The following EDN3 variants were observed in gnomAD, a reference collection of about 807,000 sequenced individuals.
EDN3 encodes endothelin-3.
A neutral mutation model predicts 21.4 loss-of-function variants in EDN3; 9 were observed. That is an observed-to-expected ratio of 0.42 (90% CI 0.25 to 0.73). The LOEUF (loss-of-function observed/expected upper bound fraction) is 0.73, where lower values mean the gene tolerates loss of function less well. Ranked by LOEUF, EDN3 falls within the 30% of genes least tolerant of loss-of-function variation. EDN3 has a pLI of 0.26. For missense variants in EDN3, 327 were observed against 309.4 expected (o/e 1.06, Z -0.43); for synonymous variants, 133 against 126.2 (o/e 1.05, Z -0.36).
At chr20:59,317,724 G>A (rs774210773) in intron 2 of EDN3, among the ~76,000 whole-genome samples, 2 of 152,200 alleles carry the variant, frequency 1.3e-5, no homozygotes, top group Admixed American at 6.5e-5. Flanking sequence ...GGATGCTGAA[G>A]AATGTTGGAG....
intron 2 of EDN3, among the ~76,000 whole-genome samples, chr20:59,320,618 G>C (rs936326462): frequency 2.6e-5 from 4 of 152,254 alleles, no homozygotes; most frequent in Non-Finnish European, 5.9e-5. Context: ...GTCTTGAAGA[G>C]AATGAAAGCC....
At chr20:59,307,280 T>TCATGTTGCCAAG (rs11570282) in intron 2 of EDN3, among the ~76,000 whole-genome samples, 1 of 152,142 alleles carries the variant, frequency 6.6e-6, no homozygotes, top group Admixed American at 6.5e-5. Flanking sequence ...CTGCTACTAA[T>TCATGTTGCCAAG]CATGGATGGT....
At chr20:59,314,140 C>T (rs1363581959) in intron 2 of EDN3, among the ~76,000 whole-genome samples, 1 of 152,174 alleles carries the variant, frequency 6.6e-6, no homozygotes, top group Non-Finnish European at 1.5e-5. Context: ...CCTGCTTCCA[C>T]CTGTGGAGGA....
At chr20:59,310,600 C>T (rs1600733141) in intron 2 of EDN3, among the ~76,000 whole-genome samples, 2 of 152,132 alleles carry the variant, frequency 1.3e-5, no homozygotes, top group African/African-American at 4.8e-5. Context: ...GGCTTGGAAG[C>T]ACTGGCCTCT....
In EDN3 at chr20:59,301,437, A is replaced by C. The variant is rs772960457; in HGVS notation, c.80A>C (p.Asp27Ala). The stretch of plus-strand genomic sequence containing the variant: ...TTCGTGCCTTGCTCCCAGTCTGGGG[A>C]TGCTGGCAGGCGCGGCGTGTCCCAG... The part of the protein sequence containing the change: ...AGFVPCSQSG[D>A]AGRRGVSQAP... Residue 27 changes from aspartate (D) to alanine (A), a missense_variant, in exon 2 of 5, where the codon GAT becomes GCT. Transcript: ENST00000337938. The C allele has an allele frequency of 6.2e-7, 1 of 1,612,698 alleles. No homozygotes were observed. Among genetic ancestry groups the C allele is most frequent in the South Asian group, 1.1e-5 (1 of 91,054 alleles).
rs1381824847 is a variant in EDN3, at chr20:59,324,433, T to A, written c.691T>A (p.Cys231Ser). Residue 231 changes from cysteine to serine, a missense_variant, in exon 5 of 5, where the codon TGC (cysteine) becomes AGC (serine). Transcript: ENST00000337938. Reference sequence around the variant, plus strand: ...CCTCGCTCCATCTACCTGCCCCCGCTGCCTCTTTCAGGAAGGAGCCCCTTA... The same window carrying A: ...CCTCGCTCCATCTACCTGCCCCCGCAGCCTCTTTCAGGAAGGAGCCCCTTA... ...LALAPSTCPR[C>S]LFQEGAP The A allele has an allele frequency of 6.2e-7, 1 of 1,614,130 alleles. No individual in the cohort carries two copies. Among genetic ancestry groups the A allele is most frequent in the East Asian group, 2.2e-5 (1 of 44,888 alleles).
chr20:59,302,589 G>T (rs1989124489), intron 2 of EDN3, among the ~76,000 whole-genome samples: 6 of 152,128 alleles, frequency 3.9e-5, no homozygotes, highest in Admixed American at 2.0e-4. Flanking sequence ...CCTTGCCTGG[G>T]TCACCAACTC....
chr20:59,300,911 A>T, intron 1 of EDN3, 47 bp downstream of exon 1: 1 of 1,598,906 alleles, frequency 6.3e-7, no homozygotes. Context: ...GCGCACACAA[A>T]AGGACCCAGG....
intron 2 of EDN3, among the ~76,000 whole-genome samples, chr20:59,307,186 A>G (rs1989490410): frequency 6.6e-6 from 1 of 152,200 alleles, no homozygotes; most frequent in Non-Finnish European, 1.5e-5. Context: ...CACACCTGGC[A>G]GTATCATTGT....
At chr20:59,306,297 G>A (rs930303554) in intron 2 of EDN3, among the ~76,000 whole-genome samples, 2 of 152,298 alleles carry the variant, frequency 1.3e-5, no homozygotes, top group East Asian at 1.9e-4. Flanking sequence ...TTGCAGTCCC[G>A]ACTTGTGGAG....
In EDN3 at chr20:59,322,371, G is replaced by A. The variant is rs1268911425; in HGVS notation, c.543-1G>A. ...GATTAAAACCAGCTCTCTCCCCACA[G>A]TAATTCAAGGACGGCAGAAAAAACA... is the stretch of plus-strand genomic sequence containing the variant. On this transcript the variant is annotated splice_acceptor_variant, in intron 3 of 4. Transcript: ENST00000337938. LOFTEE classifies it high-confidence loss of function. The surrounding 1 kb of genome is among the most constrained non-coding windows in gnomAD (Gnocchi z 4.1). 6.2e-7 allele frequency: 1 copy of A among 1,614,070 alleles called. No individual in the cohort carries two copies. The highest frequency in any genetic ancestry group is 1.7e-5 in the Admixed American group (1 of 60,014).
chr20:59,304,918 C>T (rs1437620871), intron 2 of EDN3, among the ~76,000 whole-genome samples: 1 of 152,176 alleles, frequency 6.6e-6, no homozygotes, highest in African/African-American at 2.4e-5. Context: ...TTGGCTAAGT[C>T]CTGCCACCTG....
chr20:59,315,385 G>A (rs1990110044), intron 2 of EDN3, among the ~76,000 whole-genome samples: 1 of 152,184 alleles, frequency 6.6e-6, no homozygotes, highest in South Asian at 2.1e-4. Flanking sequence ...ATGTCCCCTG[G>A]GCCAAAAGGC....
intron 1 of EDN3, among the ~76,000 whole-genome samples, chr20:59,301,147 G>C (rs952045802): frequency 5.3e-5 from 8 of 152,338 alleles, no homozygotes; most frequent in African/African-American, 1.9e-4. Flanking sequence ...GAAAGTTTGC[G>C]AACTATTCAG....
At chr20:59,317,677 G>A (rs1990268100) in intron 2 of EDN3, among the ~76,000 whole-genome samples, 1 of 152,170 alleles carries the variant, frequency 6.6e-6, no homozygotes, top group African/African-American at 2.4e-5. Flanking sequence ...GCCTTTCTGT[G>A]TCCCTGTGAC....
chr20:59,306,595 T>TAAAAAAAAAAAAAAAAAAAAAAAAA (rs57144708), intron 2 of EDN3, among the ~76,000 whole-genome samples: 2 of 62,456 alleles, frequency 3.2e-5, no homozygotes, highest in Admixed American at 3.3e-4. Context: ...GCATAAAGAG[T>TAAAAAAAAAAAAAAAAAAAAAAAAA]AAAAAAAAAA....
chr20:59,302,293 C>T (rs1989104565), intron 2 of EDN3, among the ~76,000 whole-genome samples: 1 of 152,178 alleles, frequency 6.6e-6, no homozygotes, highest in Admixed American at 6.5e-5. Context: ...GGTGAATTCA[C>T]ATCAGCTCGT....
chr20:59,314,988 A>G (rs532227570), intron 2 of EDN3, among the ~76,000 whole-genome samples: 2 of 152,256 alleles, frequency 1.3e-5, no homozygotes, highest in African/African-American at 4.8e-5. Flanking sequence ...GCTGGAGGGC[A>G]TTTTGTTTTT....
Position 59,300,668 on chromosome 20 carries a change from C to T in EDN3, c.-145C>T, listed in dbSNP as rs1342476714. On this transcript the variant is annotated 5_prime_UTR_variant, in exon 1 of 5. Coordinates refer to ENST00000337938, the MANE Select transcript of EDN3 (RefSeq NM_207034.3). ...ATGACCGCCGCAGCCAACTCCTGGC[C>T]GGAGCTGGAGACGCAGCGAGCGATC... The T allele has an allele frequency of 1.2e-5, 9 of 760,002 alleles. No homozygotes were observed. Among genetic ancestry groups the T allele is most frequent in the African/African-American group, 5.3e-5 (3 of 56,732 alleles). The allele number at this position is 760,002 out of a possible 1,614,324, so 47.1% of individuals were successfully genotyped here. A position where few individuals can be genotyped will look rare whatever the true frequency, so the allele number is the denominator to read the frequency against.
Sources: gnomAD v4.1 joint callset for allele counts (sites outside exome capture counted in the v4.1 genomes callset) on GRCh38, gnomAD v4.1.1 for gene constraint, Gnocchi (gnomAD v3.1) non-coding constraint, MANE v1.5 for transcripts, NCBI Gene and HGNC (gene_info 2026-07-23, HGNC 2026-07-21) for gene names.